Variants in DNAH7 observed in about 807,000 individuals in gnomAD.
DNAH7 encodes axonemal beta dynein heavy chain 7.
A neutral mutation model predicts 444.6 loss-of-function variants in DNAH7; 397 were observed. That is an observed-to-expected ratio of 0.89 (90% CI 0.82 to 0.97). The LOEUF is 0.97. Ranked by LOEUF, DNAH7 falls within the 50% of genes least tolerant of loss-of-function variation. DNAH7 has a pLI of 0.00. For missense variants in DNAH7, 4,902 were observed against 4,800.8 expected, an observed-to-expected ratio of 1.02 and a Z score of -0.62; for synonymous variants, 1,636 against 1,624.4, an observed-to-expected ratio of 1.01 and a Z score of -0.17.
chr2:195,871,930 CAAAAAAAAAAAAAAAAAAAAAAAA>C (rs553845281), intron 40 of DNAH7, among the ~76,000 whole-genome samples: 861 of 24,800 alleles, frequency 0.035, 100 homozygotes, highest in Middle Eastern at 0.21. Flanking sequence ...GACTCCGTCT[CAAAAAAAAAAAAAAAAAAAAAAAA>C]AAAAAAAAAA....
rs570626242 is a variant in DNAH7 at position 196,008,416 on chromosome 2, T to C, written c.989+4371A>G. Among the ~76,000 whole-genome samples the C allele has an allele frequency of 3.9e-5, 6 of 152,250 alleles. No homozygotes were observed. In the South Asian group the frequency reaches 6.2e-4, roughly 16 times the overall value. ...CAGAATTACCATATAACCCAGCAAT[T>C]TCACTCCTAGGTATACAGTCAAGAG... On this transcript the variant is annotated intron_variant, in intron 10 of 64. Transcript: ENST00000312428.
chr2:195,926,604 C>T, intron 21 of DNAH7, 38 bp from the exon 22 acceptor site: 1 of 1,533,590 alleles, frequency 6.5e-7, no homozygotes, highest in South Asian at 1.3e-5. Context: ...TAACCATTTC[C>T]TGAACAAGTT....
At chr2:195,900,229 G>T in intron 28 of DNAH7, 53 bp downstream of exon 28, 1 of 1,571,118 alleles carries the variant, frequency 6.4e-7, no homozygotes, top group Non-Finnish European at 8.8e-7. Context: ...GACCCATTAG[G>T]CTGGAAATCT....
In DNAH7 at chr2:195,785,516, AGCT is replaced by A. The variant is rs1695575466; in HGVS notation, c.10878+1491_10878+1493del. Among the ~76,000 whole-genome samples, 15 of 148,442 alleles carry A rather than the reference AGCT, an allele frequency of 1.0e-4. No individual in the cohort carries two copies. In the South Asian group the frequency reaches 3.2e-3, roughly 32 times the overall value. ...AGTTTCTCTCCATTTAAGTACAATT[AGCT>A]GTAGGTTTTTTGTATGTTTGTTTAA... On this transcript the variant is annotated intron_variant, in intron 58 of 64. Coordinates refer to ENST00000312428, the MANE Select transcript of DNAH7 (RefSeq NM_018897.3).
intron 51 of DNAH7, among the ~76,000 whole-genome samples, chr2:195,813,557 A>C (rs1697075543): frequency 6.6e-6 from 1 of 152,168 alleles, no homozygotes; most frequent in Non-Finnish European, 1.5e-5. Flanking sequence ...ACAGATACGA[A>C]AAGTTTGGTT....
At chr2:196,044,308 G>C (rs774720134) in intron 5 of DNAH7, among the ~76,000 whole-genome samples, 1 of 151,830 alleles carries the variant, frequency 6.6e-6, no homozygotes, top group Non-Finnish European at 1.5e-5. Context: ...GGATGGAGTT[G>C]GTGACCATTA....
intron 17 of DNAH7, among the ~76,000 whole-genome samples, chr2:195,969,021 C>T (rs981032359): frequency 7.2e-5 from 11 of 152,256 alleles, no homozygotes; most frequent in Non-Finnish European, 7.3e-5. Flanking sequence ...GGGGCAGCAT[C>T]AGCGTTTCAA....
intron 37 of DNAH7, among the ~76,000 whole-genome samples, chr2:195,876,051 T>G (rs543888738): frequency 6.6e-6 from 1 of 152,332 alleles, no homozygotes; most frequent in Admixed American, 6.5e-5. Flanking sequence ...ACATTCTCAT[T>G]ACTAATCTTC....
intron 58 of DNAH7, among the ~76,000 whole-genome samples, chr2:195,781,253 A>G (rs1390995285): frequency 2.0e-5 from 3 of 152,194 alleles, no homozygotes; most frequent in Non-Finnish European, 4.4e-5. Context: ...AACTCAATGC[A>G]AATCAAATAA....
At position 195,771,336 on chromosome 2, in the gene DNAH7, T is replaced by C. The variant is rs562495619; in HGVS notation, c.11433+324A>G. ...GTCTGGGTGACAGAGTGAGACCCCA[T>C]CTCTAAAAAAATAATAATAATAAAT... On this transcript the variant is annotated intron_variant, in intron 61 of 64. Transcript: ENST00000312428. Among the ~76,000 whole-genome samples, 4 of 151,796 alleles carry C rather than the reference T, an allele frequency of 2.6e-5. No individual in the cohort carries two copies. In the East Asian group the frequency reaches 5.8e-4, roughly 22 times the overall value.
At chr2:195,876,961 G>A (rs1701099318) in intron 36 of DNAH7, among the ~76,000 whole-genome samples, 1 of 152,174 alleles carries the variant, frequency 6.6e-6, no homozygotes, top group African/African-American at 2.4e-5. Context: ...CAGAGACTCA[G>A]AGGTTAGGAA....
intron 15 of DNAH7, among the ~76,000 whole-genome samples, chr2:195,981,132 C>T (rs1417229754): frequency 3.3e-5 from 5 of 152,016 alleles, no homozygotes; most frequent in East Asian, 1.9e-4. Context: ...CTGATAAATT[C>T]GGTAAAGTTG....
chr2:195,821,518 G>T (rs1697469882), intron 49 of DNAH7, among the ~76,000 whole-genome samples: 1 of 152,172 alleles, frequency 6.6e-6, no homozygotes, highest in South Asian at 2.1e-4. Flanking sequence ...TGTCCTGGGT[G>T]GCAGGGAGAC....
chr2:196,058,066 T>C lies in DNAH7; in HGVS notation c.66A>G (p.Pro22=), dbSNP rs1479136504. 6.4e-7 allele frequency: 1 copy of C among 1,571,502 alleles called. No homozygotes were observed. Among genetic ancestry groups the C allele is most frequent in the Non-Finnish European group, 8.6e-7 (1 of 1,157,706 alleles). Residue 22 remains proline (P), a synonymous_variant, in exon 2 of 65, where the codon CCA becomes CCG. Coordinates refer to ENST00000312428, the MANE Select transcript of DNAH7 (RefSeq NM_018897.3). ...EKSKKPVRFL[P]QLSMEKLASK... ...ATTGGTAAATTACCATAGACAGCTG[T>C]GGTAGAAATCTTACTGGTTTCTTGG...
At chr2:195,766,057 T>C (rs979217155) in intron 61 of DNAH7, among the ~76,000 whole-genome samples, 1 of 151,842 alleles carries the variant, frequency 6.6e-6, no homozygotes, top group African/African-American at 2.4e-5. Context: ...AAGAATGAGA[T>C]CCTGTCATTT....
intron 48 of DNAH7, among the ~76,000 whole-genome samples, chr2:195,831,720 G>A (rs1698080801): frequency 6.6e-6 from 1 of 152,162 alleles, no homozygotes; most frequent in African/African-American, 2.4e-5. Flanking sequence ...AATCTTGCTT[G>A]TGTAACACAG....
intron 49 of DNAH7, among the ~76,000 whole-genome samples, chr2:195,818,607 C>T (rs769852854): frequency 5.3e-5 from 8 of 152,222 alleles, no homozygotes; most frequent in East Asian, 1.9e-4. Flanking sequence ...GCTTTCGAAA[C>T]GACACTTATT....
intron 58 of DNAH7, among the ~76,000 whole-genome samples, chr2:195,778,747 A>G (rs1012764285): frequency 8.9e-6 from 1 of 112,056 alleles, no homozygotes; most frequent in East Asian, 2.5e-4. Context: ...TATATATATA[A>G]TAAAACTCAG....
chr2:195,900,297 A>C lies in DNAH7; in HGVS notation c.4533T>G (p.Ala1511=). The change falls in exon 28 of 65, where the codon GCT becomes GCG. Residue 1511 remains alanine (A), a synonymous_variant. Transcript: ENST00000312428. ...GMRAVKSVLT[A]AGNLKLKYPN... is the part of the protein sequence containing the mutation. ...TGTTCTCTACCTTCAGATTCCCAGC[A>C]GCAGTAAGAACTGACTTCACGGCTC... The C allele has an allele frequency of 6.2e-7, 1 of 1,614,024 alleles. No individual in the cohort carries two copies. Among genetic ancestry groups the C allele is most frequent in the Non-Finnish European group, 8.5e-7 (1 of 1,179,892 alleles).
Sources: gnomAD v4.1 joint callset for allele counts (sites outside exome capture counted in the v4.1 genomes callset) on GRCh38, gnomAD v4.1.1 for gene constraint, MANE v1.5 for transcripts, NCBI Gene and HGNC (gene_info 2026-07-23, HGNC 2026-07-21) for gene names.